CFAP44: variants seen among roughly 807,000 people sequenced by gnomAD.
CFAP44 encodes the protein cilia- and flagella-associated protein 44.
CFAP44 carries 134 observed loss-of-function variants against 216.2 expected under a neutral mutation model. That is an observed-to-expected ratio of 0.62 (90% CI 0.54 to 0.72). The LOEUF (loss-of-function observed/expected upper bound fraction) is 0.72, where lower values mean the gene tolerates loss of function less well. CFAP44 is among the 30% of genes least tolerant of loss of function. The pLI is 0.00. For synonymous variants in CFAP44, 700 were observed against 727.6 expected (o/e 0.96, Z 0.61); for missense variants, 2,035 against 2,182.1 (o/e 0.93, Z 1.34).
chr3:113,350,566 A>G lies in CFAP44; in HGVS notation c.3066-5854T>C, dbSNP rs532849953. On this transcript the variant is annotated intron_variant, in intron 22 of 34. Transcript: ENST00000393845. ...ACAGTCTTCTCCATGACCTTATAAC[A>G]CTCCAATACCACCTTGTTGTCAGTG... Among the ~76,000 whole-genome samples the G allele has an allele frequency of 2.0e-5, 3 of 152,158 alleles. No individual in the cohort carries two copies. In the South Asian group the frequency reaches 6.2e-4, roughly 32 times the overall value.
At chr3:113,339,363 CAG>C (rs1950309855) in intron 24 of CFAP44, among the ~76,000 whole-genome samples, 1 of 152,160 alleles carries the variant, frequency 6.6e-6, no homozygotes, top group Non-Finnish European at 1.5e-5. Context: ...AGTGAAAACT[CAG>C]AGTGTGATGG....
At chr3:113,385,589 T>A (rs993243663) in intron 15 of CFAP44, among the ~76,000 whole-genome samples, 3 of 152,094 alleles carry the variant, frequency 2.0e-5, no homozygotes, top group South Asian at 2.1e-4. Context: ...TCTGAACACA[T>A]CTGTTAGGGC....
At chr3:113,325,780 TAGG>T (rs1308542862) in intron 28 of CFAP44, among the ~76,000 whole-genome samples, 2 of 152,108 alleles carry the variant, frequency 1.3e-5, no homozygotes, top group Non-Finnish European at 2.9e-5. Context: ...AAGAATAAAG[TAGG>T]AGGAGTTAGT....
intron 15 of CFAP44, among the ~76,000 whole-genome samples, chr3:113,383,064 T>C (rs1179389507): frequency 3.3e-5 from 5 of 152,250 alleles, no homozygotes; most frequent in Admixed American, 2.6e-4. Context: ...GGCTGATTAC[T>C]ATAGGCAAAT....
At chr3:113,334,385 A>T (rs1950265134) in intron 24 of CFAP44, among the ~76,000 whole-genome samples, 1 of 152,244 alleles carries the variant, frequency 6.6e-6, no homozygotes, top group Non-Finnish European at 1.5e-5. Context: ...ATATAGAAGT[A>T]CAAAACATTG....
At chr3:113,376,321 G>A (rs1933343185) in intron 17 of CFAP44, among the ~76,000 whole-genome samples, 1 of 152,176 alleles carries the variant, frequency 6.6e-6, no homozygotes, top group Non-Finnish European at 1.5e-5. Flanking sequence ...GTGCCAAGGA[G>A]CATTGTCAAG....
intron 26 of CFAP44, 38 bp from the exon 27 acceptor site, chr3:113,327,857 C>G: frequency 6.6e-7 from 1 of 1,515,838 alleles, no homozygotes; most frequent in South Asian, 1.2e-5. Context: ...CGTTAGAAGA[C>G]TAGATAAATG....
intron 28 of CFAP44, among the ~76,000 whole-genome samples, chr3:113,321,942 A>G (rs1436577690): frequency 2.0e-5 from 3 of 152,206 alleles, no homozygotes; most frequent in African/African-American, 7.2e-5. Context: ...CATATCCTCC[A>G]AAGCAATATA....
chr3:113,320,224 GTCTCTCTC>G (rs111963316), intron 28 of CFAP44, among the ~76,000 whole-genome samples: 185 of 141,440 alleles, frequency 1.3e-3, no homozygotes, highest in African/African-American at 3.2e-3. Context: ...AGGTATATTA[GTCTCTCTC>G]TCTCTCTCTC....
intron 28 of CFAP44, among the ~76,000 whole-genome samples, chr3:113,320,548 T>C (rs1310117651): frequency 7.0e-6 from 1 of 142,082 alleles, no homozygotes; most frequent in Non-Finnish European, 1.5e-5. Context: ...ATATATATAA[T>C]GAAGTTATAT....
intron 19 of CFAP44, among the ~76,000 whole-genome samples, chr3:113,363,796 C>T (rs59634194): frequency 0.026 from 3,884 of 152,124 alleles, 148 homozygotes; most frequent in African/African-American, 0.08. Context: ...GTTAATATCC[C>T]CATAATTTCC....
intron 16 of CFAP44, among the ~76,000 whole-genome samples, 191 bp from the exon 17 acceptor site, chr3:113,379,742 G>A (rs1186603116): frequency 6.6e-6 from 1 of 151,838 alleles, no homozygotes; most frequent in Non-Finnish European, 1.5e-5. Context: ...ACTCATTTTT[G>A]TTTTACCCCC....
intron 18 of CFAP44, among the ~76,000 whole-genome samples, chr3:113,366,754 G>A (rs1932944879): frequency 6.6e-6 from 1 of 152,234 alleles, no homozygotes; most frequent in Non-Finnish European, 1.5e-5. Flanking sequence ...AAGCAAGGCA[G>A]GGTGTTGCCT....
intron 28 of CFAP44, among the ~76,000 whole-genome samples, chr3:113,311,170 TACTTGAAGGA>T (rs1407776596): frequency 1.1e-4 from 16 of 152,172 alleles, no homozygotes; most frequent in African/African-American, 3.1e-4. Context: ...AATTTGAACA[TACTTGAAGGA>T]AATGAAAAAA....
At chr3:113,298,630 A>G (rs1949904456) in intron 32 of CFAP44, among the ~76,000 whole-genome samples, 2 of 152,264 alleles carry the variant, frequency 1.3e-5, no homozygotes, top group South Asian at 4.1e-4. Flanking sequence ...TGTGGCATGT[A>G]CATATAATGG....
chr3:113,374,137 A>G (rs1933261382), intron 17 of CFAP44, among the ~76,000 whole-genome samples: 1 of 152,140 alleles, frequency 6.6e-6, no homozygotes, highest in South Asian at 2.1e-4. Context: ...AGAATGTAAC[A>G]TCATGATCAC....
In CFAP44 at chr3:113,409,204, G is replaced by T. The variant is rs13059888; in HGVS notation, c.792C>A (p.Pro264=). 0.11 allele frequency: 176,397 copies of T among 1,613,850 alleles called. 10,828 individuals are homozygous for T. The highest frequency in any genetic ancestry group is 0.18 in the Middle Eastern group (1,121 of 6,062). The change falls in exon 7 of 35, where the codon CCC becomes CCA. Residue 264 remains proline, a synonymous_variant. Transcript: ENST00000393845. ...GAGAAAAAGCTTTTGTCCTTAGTAT[G>T]GGTTGTTCTTCTTTCCAGTTCCAGA... ...LTIWNWKEEQ[P]ILRTKAFSQE...
chr3:113,353,859 TAAG>T (rs1489746704), intron 22 of CFAP44, among the ~76,000 whole-genome samples: 2 of 152,072 alleles, frequency 1.3e-5, no homozygotes, highest in Admixed American at 6.6e-5. Flanking sequence ...CAGCACTGCA[TAAG>T]AAGGAGTCTA....
intron 17 of CFAP44, among the ~76,000 whole-genome samples, chr3:113,376,355 G>T (rs1933344501): frequency 6.6e-6 from 1 of 152,198 alleles, no homozygotes; most frequent in Admixed American, 6.5e-5. Flanking sequence ...TCTAAGTGGA[G>T]GGGAGAGGTC....
Sources: allele counts gnomAD v4.1 joint callset (sites outside exome capture counted in the v4.1 genomes callset), GRCh38; gene constraint gnomAD v4.1.1; transcripts MANE v1.5; gene names NCBI Gene and HGNC (gene_info 2026-07-23, HGNC 2026-07-21).